The following GOLPH3L variants were observed in gnomAD, a reference collection of about 807,000 sequenced individuals.
The protein encoded by GOLPH3L is golgi phosphoprotein 3 like.
A neutral mutation model predicts 30.3 loss-of-function variants in GOLPH3L; 22 were observed. That is an observed-to-expected ratio of 0.73 (90% CI 0.52 to 1.04). The LOEUF is 1.04. Among genes scored for constraint, GOLPH3L ranks in the 50% least tolerant of loss-of-function variants. The pLI is 0.00. For synonymous variants in GOLPH3L, 120 were observed against 128.2 expected (o/e 0.94, Z 0.43); for missense variants, 303 against 345.8 (o/e 0.88, Z 0.98).
chr1:150,662,523 T>A (rs1650392945), intron 3 of GOLPH3L, among the ~76,000 whole-genome samples: 1 of 152,170 alleles, frequency 6.6e-6, no homozygotes, highest in African/African-American at 2.4e-5. Flanking sequence ...TAGTTAAATA[T>A]GTTTCTGGAG....
At chr1:150,659,299 A>C (rs1333468878) in intron 4 of GOLPH3L, among the ~76,000 whole-genome samples, 1 of 152,224 alleles carries the variant, frequency 6.6e-6, no homozygotes, top group Non-Finnish European at 1.5e-5. Flanking sequence ...TCTCTGCAGC[A>C]CTGTGACATG....
chr1:150,686,572 T>C (rs1486741122), intron 2 of GOLPH3L, among the ~76,000 whole-genome samples: 2 of 152,144 alleles, frequency 1.3e-5, no homozygotes, highest in African/African-American at 2.4e-5. Context: ...TTGACTCCTA[T>C]AAAGAGAATG....
intron 2 of GOLPH3L, among the ~76,000 whole-genome samples, chr1:150,683,159 T>C (rs1208350635): frequency 1.3e-5 from 2 of 152,200 alleles, no homozygotes; most frequent in African/African-American, 2.4e-5. Flanking sequence ...CCCAGCACTT[T>C]GGGAGGCCGA....
intron 2 of GOLPH3L, among the ~76,000 whole-genome samples, chr1:150,677,546 G>A: frequency 6.6e-6 from 1 of 151,052 alleles, no homozygotes; most frequent in Non-Finnish European, 1.5e-5. Flanking sequence ...GCCTACATGT[G>A]TAATTTTAAA....
chr1:150,682,994 G>A (rs1650992337), intron 2 of GOLPH3L, among the ~76,000 whole-genome samples: 1 of 152,144 alleles, frequency 6.6e-6, no homozygotes, highest in African/African-American at 2.4e-5. Context: ...CTAGCTGTAT[G>A]GTTACTGCAT....
intron 2 of GOLPH3L, among the ~76,000 whole-genome samples, chr1:150,667,581 CT>C (rs940783149): frequency 4.6e-4 from 67 of 145,750 alleles, no homozygotes; most frequent in African/African-American, 1.6e-3. Flanking sequence ...CTAGTCTTTT[CT>C]TTTTTTTTCT....
At chr1:150,691,876 T>C in intron 2 of GOLPH3L, among the ~76,000 whole-genome samples, 1 of 152,044 alleles carries the variant, frequency 6.6e-6, no homozygotes, top group East Asian at 1.9e-4. Context: ...AGAAAACATA[T>C]TTATACTCAT....
intron 2 of GOLPH3L, among the ~76,000 whole-genome samples, chr1:150,682,976 T>C (rs369278188): frequency 2.0e-5 from 3 of 152,206 alleles, no homozygotes; most frequent in African/African-American, 7.2e-5. Flanking sequence ...AGTACTTACA[T>C]ACTGTGTCTA....
chr1:150,663,558 T>C (rs587607835), intron 3 of GOLPH3L, 74 bp downstream of exon 3: 57 of 1,369,932 alleles, frequency 4.2e-5, no homozygotes, highest in Non-Finnish European at 5.5e-5. Flanking sequence ...TACTCAAATC[T>C]TTCTATTCTT....
chr1:150,652,157 G>A (rs1180189205), intron 4 of GOLPH3L, among the ~76,000 whole-genome samples: 1 of 151,650 alleles, frequency 6.6e-6, no homozygotes, highest in African/African-American at 2.4e-5. Flanking sequence ...AGAATGAGTA[G>A]ACTTATTCAA....
At chr1:150,670,940 T>C (rs1241574) in intron 2 of GOLPH3L, among the ~76,000 whole-genome samples, 150,265 of 152,300 alleles carry the variant, frequency 0.99, 74,163 homozygotes, top group East Asian at 1. Context: ...CAGTATTTTG[T>C]TATTATTAAA....
At chr1:150,653,291 T>TA (rs1032130450) in intron 4 of GOLPH3L, among the ~76,000 whole-genome samples, 2 of 128,076 alleles carry the variant, frequency 1.6e-5, no homozygotes, top group African/African-American at 2.7e-5. Flanking sequence ...TAAATCTTTT[T>TA]TTTTTTATTT....
At chr1:150,660,466 A>C (rs1167117139) in intron 4 of GOLPH3L, among the ~76,000 whole-genome samples, 2 of 152,232 alleles carry the variant, frequency 1.3e-5, no homozygotes, top group African/African-American at 4.8e-5. Flanking sequence ...AGGAACTTGA[A>C]CAGATATTTG....
intron 2 of GOLPH3L, among the ~76,000 whole-genome samples, chr1:150,675,480 C>T (rs587603608): frequency 6.6e-6 from 1 of 152,122 alleles, no homozygotes; most frequent in South Asian, 2.1e-4. Flanking sequence ...TCCTTCTCTC[C>T]CAACCCCAAT....
intron 2 of GOLPH3L, among the ~76,000 whole-genome samples, chr1:150,682,842 T>C (rs1474273360): frequency 6.6e-6 from 1 of 152,084 alleles, no homozygotes; most frequent in East Asian, 1.9e-4. Context: ...TATTTGCCAT[T>C]CCTACCTTAA....
chr1:150,693,281 A>C (rs1255007195), intron 2 of GOLPH3L, among the ~76,000 whole-genome samples: 1 of 152,222 alleles, frequency 6.6e-6, no homozygotes, highest in Non-Finnish European at 1.5e-5. Context: ...AAATCTAAAC[A>C]ACAATGGTAT....
At chr1:150,693,890 C>G (rs1196961368) in intron 2 of GOLPH3L, among the ~76,000 whole-genome samples, 1 of 99,924 alleles carries the variant, frequency 1.0e-5, no homozygotes, top group Admixed American at 1.5e-4. Flanking sequence ...GGCAGGGTCT[C>G]ACTCTGTCAT....
At chr1:150,694,965 T>C in intron 1 of GOLPH3L, 115 bp from the exon 2 acceptor site, 1 of 645,606 alleles carries the variant, frequency 1.5e-6, no homozygotes, top group Admixed American at 3.1e-5. Context: ...GATTTAAATA[T>C]AGAAAGAAAG....
At chr1:150,687,393 C>T (rs919901988) in intron 2 of GOLPH3L, among the ~76,000 whole-genome samples, 1 of 151,840 alleles carries the variant, frequency 6.6e-6, no homozygotes, top group Non-Finnish European at 1.5e-5. Flanking sequence ...GCCTGGCTAA[C>T]GTGGTAAAAC....
Sources: gnomAD v4.1 joint callset for allele counts (sites outside exome capture counted in the v4.1 genomes callset) on GRCh38, gnomAD v4.1.1 for gene constraint, MANE v1.5 for transcripts, NCBI Gene and HGNC (gene_info 2026-07-23, HGNC 2026-07-21) for gene names.